XPNPEP3: variants seen among roughly 807,000 people sequenced by gnomAD.
XPNPEP3 encodes X-prolyl aminopeptidase 3, also known as xaa-Pro aminopeptidase 3.
A neutral mutation model predicts 60.0 loss-of-function variants in XPNPEP3; 41 were observed. That is an observed-to-expected ratio of 0.68 (90% CI 0.53 to 0.89). The LOEUF is 0.89. XPNPEP3 is among the 40% of genes least tolerant of loss of function. The pLI, the probability that XPNPEP3 is intolerant of heterozygous loss-of-function variation, is 0.00. For synonymous variants in XPNPEP3, 212 were observed against 223.2 expected (o/e 0.95, Z 0.45); for missense variants, 598 against 638.9 (o/e 0.94, Z 0.69).
Position 40,881,816 on chromosome 22 carries a change from A to C in XPNPEP3, c.228A>C (p.Arg76Ser), listed in dbSNP as rs2058049195. The C allele has an allele frequency of 6.2e-7, 1 of 1,614,110 alleles. No homozygotes were observed. Among genetic ancestry groups the C allele is most frequent in the Non-Finnish European group, 8.5e-7 (1 of 1,180,042 alleles). The part of the protein sequence containing the change: ...GLSQVEYALR[R>S]HKLMSLIQKE... ...CTCAGGTGGAATATGCACTTCGCAG[A>C]CACAAACTAATGTCTCTGATCCAGA... Residue 76 changes from arginine to serine, a missense_variant, in exon 3 of 10, where the codon AGA becomes AGC. Coordinates refer to ENST00000357137, the MANE Select transcript of XPNPEP3 (RefSeq NM_022098.4).
chr22:40,861,034 T>G (rs1681633143), intron 1 of XPNPEP3: 2 of 1,539,402 alleles, frequency 1.3e-6, no homozygotes, highest in Middle Eastern at 1.8e-4. Context: ...CACACAATTG[T>G]GTTCAAATGT....
intron 1 of XPNPEP3, among the ~76,000 whole-genome samples, chr22:40,863,984 A>G (rs1257823290): frequency 6.6e-6 from 1 of 152,208 alleles, no homozygotes; most frequent in Non-Finnish European, 1.5e-5. Context: ...AGGGGTCCCA[A>G]TCCAGACCCC....
intron 7 of XPNPEP3, among the ~76,000 whole-genome samples, chr22:40,916,385 T>C (rs2146276302): frequency 6.6e-6 from 1 of 151,802 alleles, no homozygotes; most frequent in South Asian, 2.1e-4. Flanking sequence ...TAAAGGAAGA[T>C]GTAGACATAA....
At chr22:40,900,369 C>T (rs1216839742) in intron 4 of XPNPEP3, among the ~76,000 whole-genome samples, 1 of 150,982 alleles carries the variant, frequency 6.6e-6, no homozygotes, top group Non-Finnish European at 1.5e-5. Context: ...CTTTGGGAGG[C>T]TGAGGCCGGT....
At position 40,889,233 on chromosome 22, in the gene XPNPEP3, C is replaced by G. The variant is rs2058080402; in HGVS notation, c.792+2718C>G. Among the ~76,000 whole-genome samples the G allele has an allele frequency of 2.0e-5, 3 of 151,942 alleles. No homozygotes were observed. In the South Asian group the frequency reaches 6.2e-4, roughly 32 times the overall value. On this transcript the variant is annotated intron_variant, in intron 4 of 9. Transcript: ENST00000357137. Reference sequence around the variant, plus strand: ...AGAGATGGGGTGTCACTATATTATCCAGGCTGGTGTTGAACTCCTGGCCTC... The same window carrying G: ...AGAGATGGGGTGTCACTATATTATCGAGGCTGGTGTTGAACTCCTGGCCTC...
chr22:40,882,867 A>T (rs2146251112), intron 3 of XPNPEP3, among the ~76,000 whole-genome samples: 1 of 152,282 alleles, frequency 6.6e-6, no homozygotes, highest in Non-Finnish European at 1.5e-5. Context: ...TGTTCACTGG[A>T]TTATTCATTA....
At chr22:40,893,076 AT>A (rs1767459189) in intron 4 of XPNPEP3, among the ~76,000 whole-genome samples, 1 of 148,002 alleles carries the variant, frequency 6.8e-6, no homozygotes, top group African/African-American at 2.5e-5. Flanking sequence ...TTGAAATATT[AT>A]TTATATTATA....
chr22:40,920,866 CACCACA>C (rs2146279633), intron 7 of XPNPEP3, among the ~76,000 whole-genome samples: 1 of 152,242 alleles, frequency 6.6e-6, no homozygotes, highest in South Asian at 2.1e-4. Flanking sequence ...AATCTCGGCT[CACCACA>C]ACCTTCGCCT....
At chr22:40,881,031 C>T (rs1287152456) in intron 2 of XPNPEP3, among the ~76,000 whole-genome samples, 8 of 151,802 alleles carry the variant, frequency 5.3e-5, no homozygotes, top group African/African-American at 1.9e-4. Context: ...ATACCAAAAA[C>T]TCTTGAATTA....
intron 1 of XPNPEP3, among the ~76,000 whole-genome samples, chr22:40,857,866 G>C (rs1418148202): frequency 6.6e-6 from 1 of 152,106 alleles, no homozygotes; most frequent in Non-Finnish European, 1.5e-5. Context: ...TCAGTTTTTT[G>C]GGTCAATATA....
chr22:40,878,921 A>G (rs1030802599), intron 2 of XPNPEP3, among the ~76,000 whole-genome samples: 15 of 152,132 alleles, frequency 9.9e-5, no homozygotes, highest in African/African-American at 1.7e-4. Flanking sequence ...TATGGACTAT[A>G]GCTGTGAAAT....
chr22:40,889,307 G>A (rs1345609174), intron 4 of XPNPEP3, among the ~76,000 whole-genome samples: 2 of 152,092 alleles, frequency 1.3e-5, no homozygotes, highest in African/African-American at 4.8e-5. Context: ...TCACAGGCAT[G>A]AGCCAACATG....
chr22:40,891,772 T>C lies in XPNPEP3; in HGVS notation c.792+5257T>C, dbSNP rs528750552. On this transcript the variant is annotated intron_variant, in intron 4 of 9. Transcript: ENST00000357137. ...AGTCCTGTTTAAAGTTTGTCCAGGA[T>C]CCACAAACTGCACTACAGGAAAAGA... 2.6e-5 allele frequency among the ~76,000 whole-genome samples: 4 copies of C among 152,254 alleles called. No homozygotes were observed. In the South Asian group the frequency reaches 8.3e-4, roughly 32 times the overall value.
chr22:40,878,591 C>CTT (rs948480755), intron 2 of XPNPEP3, among the ~76,000 whole-genome samples: 1 of 143,692 alleles, frequency 7.0e-6, no homozygotes. Context: ...AAATTTCTTT[C>CTT]TTTTTTTTTT....
intron 1 of XPNPEP3, among the ~76,000 whole-genome samples, chr22:40,857,991 C>T (rs1005679060): frequency 2.0e-5 from 3 of 152,226 alleles, no homozygotes; most frequent in Non-Finnish European, 1.5e-5. Context: ...ACATCGACTT[C>T]TTACTATAAA....
chr22:40,857,704 A>G (rs1043012442), intron 1 of XPNPEP3, among the ~76,000 whole-genome samples: 4 of 152,262 alleles, frequency 2.6e-5, no homozygotes, highest in Non-Finnish European at 5.9e-5. Context: ...CTGTGTCTGA[A>G]AGTCCTGTTT....
chr22:40,913,693 C>G (rs561883230), intron 6 of XPNPEP3, among the ~76,000 whole-genome samples: 19 of 152,088 alleles, frequency 1.2e-4, no homozygotes, highest in African/African-American at 4.6e-4. Context: ...TACACTGAAA[C>G]ACCACGCATT....
At chr22:40,907,103 A>G (rs1481432779) in intron 4 of XPNPEP3, 1 of 456,330 alleles carries the variant, frequency 2.2e-6, no homozygotes, top group East Asian at 6.9e-5. Context: ...CATTCAAGTC[A>G]AAGCAAAATG....
chr22:40,868,857 A>G (rs1485546776), intron 1 of XPNPEP3, 142 bp from the exon 2 acceptor site: 1 of 696,610 alleles, frequency 1.4e-6, no homozygotes, highest in African/African-American at 1.8e-5. Context: ...AAAAAAAAAT[A>G]AATGAATATT....
Sources: gnomAD v4.1 joint callset for allele counts (sites outside exome capture counted in the v4.1 genomes callset) on GRCh38, gnomAD v4.1.1 for gene constraint, MANE v1.5 for transcripts, NCBI Gene and HGNC (gene_info 2026-07-23, HGNC 2026-07-21) for gene names.